MEF2B: variants seen among roughly 807,000 people sequenced by gnomAD.
MEF2B encodes myocyte enhancer factor 2B, also known as myocyte-specific enhancer factor 2B.
A neutral mutation model predicts 32.2 loss-of-function variants in MEF2B; 15 were observed. The ratio of observed to expected loss-of-function variants is 0.47; its 90% CI spans 0.31 to 0.72. The LOEUF (loss-of-function observed/expected upper bound fraction) is 0.72. Ranked by LOEUF, MEF2B falls within the 30% of genes least tolerant of loss-of-function variation. MEF2B has a pLI of 0.05. For synonymous variants in MEF2B, 205 were observed against 225.6 expected, an observed-to-expected ratio of 0.91 and a Z score of 0.82; for missense variants, 441 against 511.5, an observed-to-expected ratio of 0.86 and a Z score of 1.33.
chr19:19,152,162 T>C (rs1405257399), intron 1 of MEF2B, among the ~76,000 whole-genome samples: 5 of 151,508 alleles, frequency 3.3e-5, no homozygotes, highest in Non-Finnish European at 7.4e-5. Context: ...GGTTTCACCA[T>C]GTTGGTCAGG....
chr19:19,146,405 G>T, intron 7 of MEF2B, 21 bp from the exon 8 acceptor site: 1 of 1,076,000 alleles, frequency 9.3e-7, no homozygotes, highest in Non-Finnish European at 1.3e-6. Context: ...GGAATTGGGG[G>T]CTGAGGCCTG....
chr19:19,155,983 A>C (rs1021091448), intron 1 of MEF2B, among the ~76,000 whole-genome samples: 1 of 152,188 alleles, frequency 6.6e-6, no homozygotes, highest in Non-Finnish European at 1.5e-5. Flanking sequence ...AAGAAAGAAC[A>C]GGAGAAGAAA....
intron 1 of MEF2B, among the ~76,000 whole-genome samples, chr19:19,168,784 C>T (rs2060230026): frequency 6.6e-6 from 1 of 151,906 alleles, no homozygotes; most frequent in Non-Finnish European, 1.5e-5. Flanking sequence ...TTTTTTTGGC[C>T]AGATGCGGTG....
intron 1 of MEF2B, among the ~76,000 whole-genome samples, chr19:19,153,092 G>C (rs946531125): frequency 6.6e-6 from 1 of 152,238 alleles, no homozygotes; most frequent in African/African-American, 2.4e-5. Context: ...CCAGGGCCAA[G>C]ATGACTCCGG....
intron 3 of MEF2B, among the ~76,000 whole-genome samples, chr19:19,148,746 C>T (rs1057251687): frequency 6.6e-6 from 1 of 151,430 alleles, no homozygotes; most frequent in Non-Finnish European, 1.5e-5. Flanking sequence ...GAGTCTTGCT[C>T]TGTTGCCCAG....
intron 1 of MEF2B, among the ~76,000 whole-genome samples, chr19:19,151,284 C>T (rs2060077953): frequency 6.6e-6 from 1 of 152,056 alleles, no homozygotes; most frequent in Non-Finnish European, 1.5e-5. Context: ...AGAAACGCCT[C>T]CTGCTCTAGC....
chr19:19,164,367 A>T (rs1249410117), intron 1 of MEF2B, among the ~76,000 whole-genome samples: 2 of 152,122 alleles, frequency 1.3e-5, no homozygotes, highest in Non-Finnish European at 2.9e-5. Flanking sequence ...AACAACCTTC[A>T]CAGCAAAACA....
intron 1 of MEF2B, among the ~76,000 whole-genome samples, chr19:19,155,168 C>T (rs2060111943): frequency 6.6e-6 from 1 of 152,190 alleles, no homozygotes; most frequent in African/African-American, 2.4e-5. Flanking sequence ...CTCCCCACTG[C>T]CCTTATGAGA....
chr19:19,149,427 C>T lies in MEF2B; in HGVS notation c.57G>A (p.Val19=), dbSNP rs779723165. Residue 19 remains valine, a splice_region_variant and synonymous_variant, in exon 3 of 9, where the codon GTG becomes GTA. Coordinates refer to ENST00000424583, the MANE Select transcript of MEF2B (RefSeq NM_001145785.2). ...SRILDQRNRQ[V]TFTKRKFGLM... is the part of the protein sequence containing the mutation. ...GCCCGAACTTCCGCTTGGTGAACGT[C>T]ACCTGGACCCAGGACCCACAGGGGC... The T allele has an allele frequency of 1.9e-6, 3 of 1,614,042 alleles. No homozygotes were observed. Among genetic ancestry groups the T allele is most frequent in the Non-Finnish European group, 2.5e-6 (3 of 1,180,028 alleles).
At chr19:19,166,493 T>C (rs1464234035) in intron 1 of MEF2B, among the ~76,000 whole-genome samples, 2 of 151,642 alleles carry the variant, frequency 1.3e-5, no homozygotes, top group African/African-American at 4.8e-5. Flanking sequence ...GTTGGGCTCA[T>C]GCCTGTAATC....
At position 19,152,295 on chromosome 19, in the gene MEF2B, G is replaced by A. The variant is rs555134730; in HGVS notation, c.-29-1531C>T. Among the ~76,000 whole-genome samples, 9 of 148,452 alleles carry A rather than the reference G, an allele frequency of 6.1e-5. No individual in the cohort carries two copies. In the South Asian group the frequency reaches 1.3e-3, roughly 21 times the overall value. On this transcript the variant is annotated intron_variant, in intron 1 of 8. Transcript: ENST00000424583. The stretch of plus-strand genomic sequence containing the variant: ...GCAAAAATTAACCAGCTGTCGTGGC[G>A]CACACCTGTAGTCCCAGCCACTTGG...
chr19:19,160,063 G>A (rs1414987841), intron 1 of MEF2B, among the ~76,000 whole-genome samples: 1 of 151,236 alleles, frequency 6.6e-6, no homozygotes, highest in Non-Finnish European at 1.5e-5. Flanking sequence ...CTGCTTCCCA[G>A]GTTTAAGCGA....
chr19:19,161,780 TAC>T (rs2060165515), intron 1 of MEF2B, among the ~76,000 whole-genome samples: 1 of 141,600 alleles, frequency 7.1e-6, no homozygotes, highest in Admixed American at 7.2e-5. Context: ...CCTGCAGTGA[TAC>T]CACCCACACT....
chr19:19,161,152 C>T (rs757234185), intron 1 of MEF2B, among the ~76,000 whole-genome samples: 1 of 151,984 alleles, frequency 6.6e-6, no homozygotes, highest in Non-Finnish European at 1.5e-5. Flanking sequence ...TTTACAGATG[C>T]GGGGAGGATT....
At chr19:19,156,254 A>C (rs2060119510) in intron 1 of MEF2B, among the ~76,000 whole-genome samples, 1 of 152,162 alleles carries the variant, frequency 6.6e-6, no homozygotes, top group South Asian at 2.1e-4. Context: ...CTCAGGACCT[A>C]CCATTAAAAA....
chr19:19,154,446 G>A (rs1224128707), intron 1 of MEF2B, among the ~76,000 whole-genome samples: 1 of 152,142 alleles, frequency 6.6e-6, no homozygotes, highest in African/African-American at 2.4e-5. Flanking sequence ...ACAGGCATGA[G>A]CCACCGCGCC....
intron 1 of MEF2B, among the ~76,000 whole-genome samples, chr19:19,153,946 T>C (rs2060102638): frequency 6.6e-6 from 1 of 151,708 alleles, no homozygotes; most frequent in South Asian, 2.1e-4. Context: ...AGAGATGGAG[T>C]CTCACTATGT....
intron 1 of MEF2B, among the ~76,000 whole-genome samples, chr19:19,160,154 G>C (rs1413672659): frequency 2.0e-5 from 3 of 151,882 alleles, no homozygotes; most frequent in Non-Finnish European, 2.9e-5. Context: ...ATTTTTGGTA[G>C]AGGCGGGGTT....
At chr19:19,158,190 C>T (rs1306932295) in intron 1 of MEF2B, among the ~76,000 whole-genome samples, 2 of 151,380 alleles carry the variant, frequency 1.3e-5, no homozygotes, top group African/African-American at 2.4e-5. Context: ...CGAGTTCAAG[C>T]GATTCTCCTG....
Sources: gnomAD v4.1 joint callset for allele counts (sites outside exome capture counted in the v4.1 genomes callset) on GRCh38, gnomAD v4.1.1 for gene constraint, MANE v1.5 for transcripts, NCBI Gene and HGNC (gene_info 2026-07-23, HGNC 2026-07-21) for gene names.